The following AOPEP variants were observed in gnomAD, a reference collection of about 807,000 sequenced individuals.
AOPEP encodes the protein aminopeptidase O.
A neutral mutation model predicts 98.1 loss-of-function variants in AOPEP; 77 were observed. The observed-to-expected ratio is 0.78, with a 90% CI of 0.65 to 0.95. The LOEUF (loss-of-function observed/expected upper bound fraction) is 0.95, where lower values mean the gene tolerates loss of function less well. Among genes scored for constraint, AOPEP ranks in the 40% least tolerant of loss-of-function variants. AOPEP has a pLI of 0.00. For synonymous variants in AOPEP, 346 were observed against 365.3 expected (o/e 0.95, Z 0.60); for missense variants, 1,024 against 1,024.7 (o/e 1.00, Z 0.01).
At chr9:94,902,578 C>G (rs73657012) in intron 5 of AOPEP, among the ~76,000 whole-genome samples, 10,413 of 152,190 alleles carry the variant, frequency 0.068, 1,216 homozygotes, top group African/African-American at 0.24. Flanking sequence ...TGTCACTTTT[C>G]TTCTGCAAAG....
At chr9:94,861,320 T>C (rs2044950245) in intron 5 of AOPEP, among the ~76,000 whole-genome samples, 2 of 152,152 alleles carry the variant, frequency 1.3e-5, no homozygotes, top group Admixed American at 6.5e-5. Flanking sequence ...TGTTTATTAA[T>C]TGGCAAATTA....
intron 5 of AOPEP, among the ~76,000 whole-genome samples, chr9:94,802,090 G>A (rs1397683956): frequency 2.0e-5 from 3 of 152,146 alleles, no homozygotes; most frequent in African/African-American, 7.2e-5. Flanking sequence ...TGGGAATGCA[G>A]GAACTAGGAT....
intron 5 of AOPEP, among the ~76,000 whole-genome samples, chr9:94,889,235 C>T (rs2136018197): frequency 1.3e-5 from 2 of 152,290 alleles, no homozygotes; most frequent in South Asian, 2.1e-4. Flanking sequence ...CTCAAGTGAT[C>T]CACCCGCCTT....
intron 13 of AOPEP, chr9:95,005,865 T>C: frequency 1.7e-6 from 1 of 577,772 alleles, no homozygotes; most frequent in Admixed American, 3.0e-5. Flanking sequence ...GCAATCGGAC[T>C]TAAGTGGGTT....
intron 5 of AOPEP, among the ~76,000 whole-genome samples, chr9:94,810,796 A>C (rs1371201114): frequency 6.6e-6 from 1 of 152,174 alleles, no homozygotes; most frequent in African/African-American, 2.4e-5. Context: ...CCCAAGCAAA[A>C]GTTTCAGAAG....
intron 16 of AOPEP, chr9:95,086,187 G>C: frequency 1.5e-6 from 2 of 1,309,810 alleles, no homozygotes; most frequent in Non-Finnish European, 2.0e-6. Context: ...TCCACCCTGC[G>C]TCCACCCCGG....
chr9:95,075,799 A>T (rs1199538055), intron 14 of AOPEP, among the ~76,000 whole-genome samples: 7 of 152,172 alleles, frequency 4.6e-5, no homozygotes, highest in Non-Finnish European at 1.0e-4. Flanking sequence ...AGGCCAGAGG[A>T]TCGCTTGAGC....
chr9:94,902,757 A>G (rs1280789861), intron 5 of AOPEP, among the ~76,000 whole-genome samples: 2 of 151,804 alleles, frequency 1.3e-5, no homozygotes, highest in Non-Finnish European at 2.9e-5. Flanking sequence ...AGCTCTTTTT[A>G]AAATCTTTTT....
At chr9:95,095,856 G>A in the AOPEP span, among the ~76,000 whole-genome samples, 4 of 152,158 alleles carry the variant, frequency 2.6e-5, no homozygotes, top group African/African-American at 4.8e-5. Flanking sequence ...TGGGTGGGCC[G>A]GGAGGGAGTG....
At chr9:95,015,963 A>G (rs1683499438) in intron 13 of AOPEP, among the ~76,000 whole-genome samples, 1 of 152,078 alleles carries the variant, frequency 6.6e-6, no homozygotes, top group Non-Finnish European at 1.5e-5. Flanking sequence ...TGGCCTCCCA[A>G]AGTGCTGGGA....
At chr9:94,826,527 G>C (rs1212996445) in intron 5 of AOPEP, among the ~76,000 whole-genome samples, 1 of 152,216 alleles carries the variant, frequency 6.6e-6, no homozygotes, top group Non-Finnish European at 1.5e-5. Context: ...GTTGCAGTAA[G>C]TAGCTTTAGG....
At chr9:94,851,338 A>G (rs1286806054) in intron 5 of AOPEP, among the ~76,000 whole-genome samples, 2 of 152,016 alleles carry the variant, frequency 1.3e-5, no homozygotes, top group African/African-American at 4.8e-5. Context: ...ATATGCAGAT[A>G]TTTTCTCTTT....
intron 13 of AOPEP, among the ~76,000 whole-genome samples, chr9:95,043,261 C>CAGATATATGTAT (rs1564564491): frequency 6.8e-6 from 1 of 147,812 alleles, no homozygotes; most frequent in African/African-American, 2.5e-5. Flanking sequence ...TATATATATA[C>CAGATATATGTAT]ATATATATCT....
chr9:95,011,400 C>A (rs77269651), intron 13 of AOPEP, among the ~76,000 whole-genome samples: 8,029 of 152,076 alleles, frequency 0.053, 278 homozygotes, highest in South Asian at 0.11. Flanking sequence ...GATGGGGTTT[C>A]ACCGTGTTAG....
intron 1 of AOPEP, among the ~76,000 whole-genome samples, chr9:94,738,684 C>T (rs1393878768): frequency 6.6e-6 from 1 of 152,206 alleles, no homozygotes; most frequent in African/African-American, 2.4e-5. Context: ...CACCATTCTC[C>T]CGCCTCAGCC....
chr9:95,110,385 G>A, the AOPEP span: 902 of 1,023,228 alleles, frequency 8.8e-4, 11 homozygotes, highest in African/African-American at 0.012. Context: ...TATGTGCCCC[G>A]TACATCTTAT....
chr9:94,957,926 T>A (rs372083579), intron 9 of AOPEP, among the ~76,000 whole-genome samples: 236 of 152,282 alleles, frequency 1.5e-3, no homozygotes, highest in African/African-American at 5.2e-3. Context: ...ACAAAAAAAA[T>A]TTACCATTTT....
chr9:95,084,040 T>A (rs57232080), intron 16 of AOPEP, among the ~76,000 whole-genome samples: 2,369 of 152,268 alleles, frequency 0.016, 62 homozygotes, highest in African/African-American at 0.054. Flanking sequence ...CAATCATCAT[T>A]ATTTCTGTGT....
intron 13 of AOPEP, among the ~76,000 whole-genome samples, chr9:95,053,707 T>TTTGTTG (rs60251468): frequency 0.038 from 5,678 of 150,818 alleles, 356 homozygotes; most frequent in African/African-American, 0.13. Context: ...TTAATTCATT[T>TTTGTTG]TTGTTGTTGT....
Sources: gnomAD v4.1 joint callset for allele counts (sites outside exome capture counted in the v4.1 genomes callset) on GRCh38, gnomAD v4.1.1 for gene constraint, MANE v1.5 for transcripts, NCBI Gene and HGNC (gene_info 2026-07-23, HGNC 2026-07-21) for gene names.